Variants in KIF6 observed in about 807,000 individuals in gnomAD.
The protein encoded by KIF6 is kinesin-like protein KIF6.
KIF6 carries 106 observed loss-of-function variants against 112.7 expected under a neutral mutation model. That is an observed-to-expected ratio of 0.94 (90% CI 0.80 to 1.11). KIF6 has a LOEUF of 1.11. Ranked by LOEUF, KIF6 falls within the 50% of genes least tolerant of loss-of-function variation. The pLI is 0.00. For missense variants in KIF6, 929 were observed against 964.0 expected (o/e 0.96, Z 0.48); for synonymous variants, 339 against 339.9 (o/e 1.00, Z 0.03).
intron 15 of KIF6, among the ~76,000 whole-genome samples, chr6:39,405,784 G>A (rs1013451618): frequency 3.3e-5 from 5 of 152,108 alleles, no homozygotes; most frequent in African/African-American, 9.7e-5. Flanking sequence ...AAAATGTTTG[G>A]TAGAATACTA....
At chr6:39,499,958 A>C (rs1190684383) in intron 13 of KIF6, among the ~76,000 whole-genome samples, 1 of 152,230 alleles carries the variant, frequency 6.6e-6, no homozygotes, top group East Asian at 1.9e-4. Flanking sequence ...CCTGGGAAAG[A>C]AGGTGGGGAG....
intron 3 of KIF6, among the ~76,000 whole-genome samples, chr6:39,643,894 A>T (rs1470692086): frequency 6.6e-6 from 1 of 152,180 alleles, no homozygotes; most frequent in African/African-American, 2.4e-5. Flanking sequence ...CACAATGGAG[A>T]TAATGTATGC....
intron 10 of KIF6, among the ~76,000 whole-genome samples, chr6:39,567,080 T>C (rs1780326797): frequency 6.6e-6 from 1 of 152,222 alleles, no homozygotes; most frequent in Non-Finnish European, 1.5e-5. Flanking sequence ...ATGATTTGCT[T>C]CTTTGTTTTC....
intron 13 of KIF6, among the ~76,000 whole-genome samples, chr6:39,473,839 G>A (rs768748112): frequency 7.2e-5 from 11 of 152,076 alleles, no homozygotes; most frequent in Non-Finnish European, 1.3e-4. Context: ...CTCTTTTGAG[G>A]AGCTTCATTG....
intron 12 of KIF6, among the ~76,000 whole-genome samples, chr6:39,542,745 T>G (rs1778856615): frequency 6.6e-6 from 1 of 152,300 alleles, no homozygotes; most frequent in East Asian, 1.9e-4. Flanking sequence ...TACATCACAC[T>G]CCGCAGTGCT....
At chr6:39,487,611 G>A (rs1775196924) in intron 13 of KIF6, among the ~76,000 whole-genome samples, 1 of 152,154 alleles carries the variant, frequency 6.6e-6, no homozygotes, top group Non-Finnish European at 1.5e-5. Flanking sequence ...TCCAGACGAG[G>A]TAAGAAATAT....
intron 7 of KIF6, among the ~76,000 whole-genome samples, chr6:39,593,543 AC>A (rs1782067510): frequency 6.6e-6 from 1 of 152,082 alleles, no homozygotes; most frequent in Non-Finnish European, 1.5e-5. Context: ...CTTATGTTGA[AC>A]CTTCTATTTT....
chr6:39,482,039 CA>C (rs1774834410), intron 13 of KIF6, among the ~76,000 whole-genome samples: 1 of 151,790 alleles, frequency 6.6e-6, no homozygotes, highest in Non-Finnish European at 1.5e-5. Context: ...CACACACACA[CA>C]CCCCACTGGG....
intron 3 of KIF6, among the ~76,000 whole-genome samples, chr6:39,713,953 T>C (rs1312739861): frequency 6.6e-6 from 1 of 152,196 alleles, no homozygotes; most frequent in East Asian, 1.9e-4. Context: ...ATTTTCATTA[T>C]TTAACTGTAA....
chr6:39,464,744 G>A (rs772663972), intron 13 of KIF6, among the ~76,000 whole-genome samples: 32 of 152,152 alleles, frequency 2.1e-4, no homozygotes, highest in Non-Finnish European at 3.8e-4. Context: ...CCCCACAGGA[G>A]CCCACTGGAC....
chr6:39,399,547 G>C (rs1456176268), intron 15 of KIF6, among the ~76,000 whole-genome samples: 1 of 152,248 alleles, frequency 6.6e-6, no homozygotes, highest in African/African-American at 2.4e-5. Flanking sequence ...TGACATGCTT[G>C]TGTCATTGAA....
At chr6:39,408,819 C>T (rs551467764) in intron 15 of KIF6, among the ~76,000 whole-genome samples, 2 of 152,168 alleles carry the variant, frequency 1.3e-5, no homozygotes, top group Non-Finnish European at 2.9e-5. Flanking sequence ...GCAAAATGTA[C>T]CCATGAATCA....
At chr6:39,420,478 A>C (rs1294842924) in intron 14 of KIF6, among the ~76,000 whole-genome samples, 1 of 152,190 alleles carries the variant, frequency 6.6e-6, no homozygotes, top group Non-Finnish European at 1.5e-5. Flanking sequence ...TTGCCCTGGA[A>C]CACCGCCACT....
chr6:39,625,711 TG>T (rs1784057255), intron 5 of KIF6, among the ~76,000 whole-genome samples: 1 of 152,134 alleles, frequency 6.6e-6, no homozygotes, highest in Non-Finnish European at 1.5e-5. Flanking sequence ...GAAGGATGCA[TG>T]CCTCATCTAA....
rs150961371 is a variant in KIF6 at position 39,413,488 on chromosome 6, T to C, written c.1810+6460A>G. The stretch of plus-strand genomic sequence containing the variant: ...ATGATCTAGGCCTAGTCAGTCAGAG[T>C]GTTTTATTCCCCTGGCTATAGGGAT... On this transcript the variant is annotated intron_variant, in intron 15 of 22. Coordinates refer to ENST00000287152, the MANE Select transcript of KIF6 (RefSeq NM_145027.6). Among the ~76,000 whole-genome samples the C allele has an allele frequency of 8.5e-3, 1,288 of 152,120 alleles. 16 individuals are homozygous for C. The highest frequency in any genetic ancestry group is 0.025 in the African/African-American group (1,052 of 41,506).
intron 5 of KIF6, among the ~76,000 whole-genome samples, chr6:39,615,973 T>C (rs1344023407): frequency 6.6e-6 from 1 of 152,142 alleles, no homozygotes; most frequent in Admixed American, 6.5e-5. Flanking sequence ...AGGGTTTATA[T>C]AATTACTGAA....
chr6:39,644,012 G>A lies in KIF6; in HGVS notation c.252-4255C>T, dbSNP rs551311008. On this transcript the variant is annotated intron_variant, in intron 3 of 22. Transcript: ENST00000287152. ...AAGACAAACAATCTAATTAAAAAGC[G>A]GGCAACAGATTCGAATAGACATTTC... 4.6e-5 allele frequency among the ~76,000 whole-genome samples: 7 copies of A among 152,028 alleles called. No homozygotes were observed. In the East Asian group the frequency reaches 7.7e-4, roughly 17 times the overall value.
At chr6:39,341,050 A>G (rs866944407) in intron 22 of KIF6, among the ~76,000 whole-genome samples, 1 of 151,968 alleles carries the variant, frequency 6.6e-6, no homozygotes, top group Admixed American at 6.6e-5. Flanking sequence ...TTCCCTCTCT[A>G]TGCATGTTTC....
chr6:39,355,843 T>C (rs964354060), intron 19 of KIF6, among the ~76,000 whole-genome samples: 4 of 151,956 alleles, frequency 2.6e-5, no homozygotes, highest in Non-Finnish European at 4.4e-5. Flanking sequence ...AGATAGTGCA[T>C]GGAGATCCCA....
Sources: allele counts gnomAD v4.1 joint callset (sites outside exome capture counted in the v4.1 genomes callset), GRCh38; gene constraint gnomAD v4.1.1; transcripts MANE v1.5; gene names NCBI Gene and HGNC (gene_info 2026-07-23, HGNC 2026-07-21).